Variants in SDCCAG8 observed in about 807,000 individuals in gnomAD.
SDCCAG8 encodes SHH signaling and ciliogenesis regulator SDCCAG8.
SDCCAG8 carries 74 observed loss-of-function variants against 101.8 expected under a neutral mutation model. That is an observed-to-expected ratio of 0.73 (90% CI 0.60 to 0.88). The LOEUF is 0.88. SDCCAG8 is among the 40% of genes least tolerant of loss of function. SDCCAG8 has a pLI of 0.00. For synonymous variants in SDCCAG8, 281 were observed against 292.9 expected (o/e 0.96, Z 0.41); for missense variants, 787 against 822.6 (o/e 0.96, Z 0.53).
intron 9 of SDCCAG8, among the ~76,000 whole-genome samples, chr1:243,327,344 G>GAAATTAAAATTATAATTATAATTTTATAT (rs2074239209): frequency 8.3e-5 from 12 of 144,084 alleles, no homozygotes; most frequent in African/African-American, 2.3e-4. Context: ...TAATTTTATA[G>GAAATTAAAATTATAATTATAATTTTATAT]AAATTAAAAT....
At chr1:243,451,277 A>G (rs2083335103) in intron 16 of SDCCAG8, among the ~76,000 whole-genome samples, 1 of 152,214 alleles carries the variant, frequency 6.6e-6, no homozygotes, top group Non-Finnish European at 1.5e-5. Flanking sequence ...GCTGATCAGC[A>G]TGGATTTTAC....
rs376711914 is a variant in SDCCAG8 at position 243,478,890 on chromosome 1, G to A, written c.1986-10124G>A. ...GGAGAATCATTTGAACCCGGGAGGC[G>A]GAGGTTGCAGTGGGCCGAGGTTGTG... On this transcript the variant is annotated intron_variant, in intron 16 of 17. Transcript: ENST00000366541. Among the ~76,000 whole-genome samples, 614 of 150,530 alleles carry A rather than the reference G, an allele frequency of 4.1e-3. 3 individuals are homozygous for A. The highest frequency in any genetic ancestry group is 0.012 in the African/African-American group (476 of 40,618).
chr1:243,413,242 A>T (rs544095169), intron 13 of SDCCAG8, among the ~76,000 whole-genome samples: 1 of 152,116 alleles, frequency 6.6e-6, no homozygotes, highest in Non-Finnish European at 1.5e-5. Flanking sequence ...ATCTCACTCT[A>T]TCACTCAGGC....
intron 13 of SDCCAG8, among the ~76,000 whole-genome samples, chr1:243,386,728 G>A (rs2078319297): frequency 6.6e-6 from 1 of 151,956 alleles, no homozygotes; most frequent in South Asian, 2.1e-4. Flanking sequence ...ACTCCAGCCT[G>A]GGTGACAGAG....
At chr1:243,427,364 C>T (rs1179697732) in intron 16 of SDCCAG8, among the ~76,000 whole-genome samples, 3 of 152,048 alleles carry the variant, frequency 2.0e-5, no homozygotes, top group Admixed American at 1.3e-4. Flanking sequence ...CAGCCTCTTA[C>T]TATTTTTTAT....
At chr1:243,327,817 G>A (rs1293458074) in intron 9 of SDCCAG8, among the ~76,000 whole-genome samples, 1 of 152,178 alleles carries the variant, frequency 6.6e-6, no homozygotes, top group Non-Finnish European at 1.5e-5. Context: ...GTGTTACTAC[G>A]CTTTTCTGTT....
chr1:243,418,035 T>C lies in SDCCAG8; in HGVS notation c.1812T>C (p.Cys604=). The C allele has an allele frequency of 6.2e-7, 1 of 1,613,140 alleles. No individual in the cohort carries two copies. The highest frequency in any genetic ancestry group is 8.5e-7 in the Non-Finnish European group (1 of 1,179,328). ...TGACAAAGTTAAAGGAAGAATGCTG[T>C]ACATTAGCCAAGAAACTGGAACAAA... ...TFLTKLKEEC[C]TLAKKLEQIS... The change falls in exon 15 of 18, where the codon TGT becomes TGC. Residue 604 remains cysteine, a synonymous_variant. Transcript: ENST00000366541.
chr1:243,437,008 T>A (rs2082177619), intron 16 of SDCCAG8, among the ~76,000 whole-genome samples: 1 of 152,214 alleles, frequency 6.6e-6, no homozygotes, highest in Non-Finnish European at 1.5e-5. Context: ...AATGTAAACC[T>A]CTTTCAGTCA....
At chr1:243,465,330 C>T (rs550263763) in intron 16 of SDCCAG8, among the ~76,000 whole-genome samples, 9 of 152,322 alleles carry the variant, frequency 5.9e-5, no homozygotes, top group African/African-American at 2.2e-4. Context: ...CTGAGACAGG[C>T]CTGGAGCTGG....
chr1:243,389,132 G>A (rs1354402889), intron 13 of SDCCAG8, among the ~76,000 whole-genome samples: 1 of 151,408 alleles, frequency 6.6e-6, no homozygotes, highest in Non-Finnish European at 1.5e-5. Flanking sequence ...GGGCGACAGA[G>A]CGAGACTCTG....
intron 13 of SDCCAG8, among the ~76,000 whole-genome samples, chr1:243,387,241 T>A (rs1426792346): frequency 6.6e-6 from 1 of 152,234 alleles, no homozygotes; most frequent in Admixed American, 6.5e-5. Context: ...CCATACCTTT[T>A]GCCCATGTAC....
intron 16 of SDCCAG8, among the ~76,000 whole-genome samples, chr1:243,466,555 T>C (rs1030378793): frequency 3.9e-5 from 6 of 152,240 alleles, no homozygotes; most frequent in Admixed American, 1.3e-4. Context: ...TCGTGCTACC[T>C]GTGTCACAGT....
At chr1:243,288,313 A>C (rs1158320687) in intron 5 of SDCCAG8, among the ~76,000 whole-genome samples, 1 of 152,030 alleles carries the variant, frequency 6.6e-6, no homozygotes, top group Admixed American at 6.6e-5. Flanking sequence ...CTCTCTAAAA[A>C]TAAAAAAAAA....
At chr1:243,383,365 T>C (rs1052163070) in intron 13 of SDCCAG8, among the ~76,000 whole-genome samples, 2 of 152,220 alleles carry the variant, frequency 1.3e-5, no homozygotes, top group Non-Finnish European at 2.9e-5. Flanking sequence ...TCTTTGGGCC[T>C]GCTTATGTAC....
chr1:243,462,246 A>G (rs1659261608), intron 16 of SDCCAG8, among the ~76,000 whole-genome samples: 1 of 152,240 alleles, frequency 6.6e-6, no homozygotes, highest in African/African-American at 2.4e-5. Flanking sequence ...AGGAGCTGGG[A>G]TGCATGATCT....
chr1:243,381,153 AC>A (rs2077925162), intron 13 of SDCCAG8, among the ~76,000 whole-genome samples: 1 of 152,188 alleles, frequency 6.6e-6, no homozygotes, highest in Admixed American at 6.5e-5. Flanking sequence ...GAATATGAAA[AC>A]CGTGTTTAAA....
At chr1:243,260,434 C>A (rs2067115469) in intron 1 of SDCCAG8, among the ~76,000 whole-genome samples, 1 of 152,134 alleles carries the variant, frequency 6.6e-6, no homozygotes, top group Admixed American at 6.5e-5. Flanking sequence ...AAATTCAATA[C>A]ATCGTTGTAT....
chr1:243,497,215 T>C (rs147941996), intron 17 of SDCCAG8, among the ~76,000 whole-genome samples: 2 of 151,976 alleles, frequency 1.3e-5, no homozygotes, highest in Non-Finnish European at 2.9e-5. Context: ...GTCAGAGAAA[T>C]GTGTGTTACC....
intron 4 of SDCCAG8, among the ~76,000 whole-genome samples, chr1:243,275,856 GTTTTTTT>G (rs11344816): frequency 1.7e-5 from 1 of 59,108 alleles, no homozygotes; most frequent in Non-Finnish European, 3.0e-5. Flanking sequence ...TTGAACCAAT[GTTTTTTT>G]TTTTTTTTTT....
Sources: allele counts gnomAD v4.1 joint callset (sites outside exome capture counted in the v4.1 genomes callset), GRCh38; gene constraint gnomAD v4.1.1; transcripts MANE v1.5; gene names NCBI Gene and HGNC (gene_info 2026-07-23, HGNC 2026-07-21).